Variants in RAB28 observed in about 807,000 individuals in gnomAD.
RAB28 encodes RAB28, member RAS oncogene family.
Under a neutral mutation model 31.7 loss-of-function variants are expected in RAB28, and 24 were observed. The observed-to-expected ratio is 0.76, with a 90% CI of 0.55 to 1.06. RAB28 has a LOEUF of 1.06. RAB28 is among the 50% of genes least tolerant of loss of function. The pLI is 0.00. For synonymous variants in RAB28, 100 were observed against 90.4 expected (o/e 1.11, Z -0.60); for missense variants, 254 against 258.5 (o/e 0.98, Z 0.12).
intron 3 of RAB28, among the ~76,000 whole-genome samples, chr4:13,463,979 T>A (rs1018146805): frequency 6.6e-6 from 1 of 152,092 alleles, no homozygotes; most frequent in African/African-American, 2.4e-5. Context: ...CTTGGACTGA[T>A]CAGAAAACTG....
intron 4 of RAB28, among the ~76,000 whole-genome samples, chr4:13,414,928 C>A (rs866398831): frequency 1.3e-5 from 2 of 152,022 alleles, no homozygotes; most frequent in Non-Finnish European, 2.9e-5. Context: ...ATAAAGAATA[C>A]CAATTAGAAG....
intron 4 of RAB28, among the ~76,000 whole-genome samples, chr4:13,407,830 G>A (rs565880103): frequency 3.7e-4 from 56 of 152,238 alleles, no homozygotes; most frequent in African/African-American, 1.1e-3. Context: ...TATTATTGGC[G>A]TACAGGAATG....
chr4:13,399,320 T>A (rs1239920308), intron 4 of RAB28, among the ~76,000 whole-genome samples: 1 of 152,246 alleles, frequency 6.6e-6, no homozygotes, highest in East Asian at 1.9e-4. Flanking sequence ...TTTTTATAAG[T>A]CTACCACAAT....
chr4:13,379,862 T>C (rs906515465), intron 5 of RAB28, among the ~76,000 whole-genome samples: 3 of 152,154 alleles, frequency 2.0e-5, no homozygotes, highest in Non-Finnish European at 4.4e-5. Context: ...TACCTGGAGC[T>C]AGAAATGATT....
At chr4:13,402,986 G>A (rs754222189) in intron 4 of RAB28, among the ~76,000 whole-genome samples, 1 of 152,136 alleles carries the variant, frequency 6.6e-6, no homozygotes, top group South Asian at 2.1e-4. Context: ...GTAGGAAAGG[G>A]GTTTTGTCAT....
chr4:13,474,543 CAT>C (rs1716264195), intron 2 of RAB28, 137 bp from the exon 3 acceptor site: 2 of 473,804 alleles, frequency 4.2e-6, no homozygotes, highest in Non-Finnish European at 3.7e-6. Context: ...TGCAGGCTCA[CAT>C]GATATTTGGA....
chr4:13,391,606 G>T (rs890065648), intron 4 of RAB28, among the ~76,000 whole-genome samples: 1 of 152,064 alleles, frequency 6.6e-6, no homozygotes, highest in Non-Finnish European at 1.5e-5. Flanking sequence ...ATATGCACAC[G>T]TATGTTTATT....
intron 4 of RAB28, among the ~76,000 whole-genome samples, chr4:13,405,949 T>C (rs1712053719): frequency 6.6e-6 from 1 of 152,180 alleles, no homozygotes; most frequent in East Asian, 1.9e-4. Context: ...ATGAGAAAAC[T>C]ATGGGAAATC....
intron 2 of RAB28, among the ~76,000 whole-genome samples, chr4:13,477,762 A>C (rs1716428956): frequency 6.6e-6 from 1 of 151,458 alleles, no homozygotes; most frequent in South Asian, 2.1e-4. Flanking sequence ...TTTTAACCTA[A>C]TTACTAAGTC....
intron 4 of RAB28, among the ~76,000 whole-genome samples, chr4:13,386,931 A>G (rs868720365): frequency 6.6e-5 from 10 of 152,100 alleles, no homozygotes; most frequent in African/African-American, 2.2e-4. Context: ...AAAGGAGATC[A>G]TGTCCTTTGT....
intron 4 of RAB28, among the ~76,000 whole-genome samples, chr4:13,431,224 A>G (rs1013162048): frequency 1.6e-4 from 25 of 152,208 alleles, no homozygotes; most frequent in African/African-American, 6.0e-4. Flanking sequence ...TTTTAGTAGT[A>G]GTAGTCAGAA....
intron 2 of RAB28, among the ~76,000 whole-genome samples, chr4:13,477,234 C>G (rs1236456871): frequency 1.3e-5 from 2 of 151,334 alleles, no homozygotes; most frequent in Admixed American, 1.3e-4. Context: ...TACAGCATAC[C>G]GGATCATGAA....
Position 13,479,544 on chromosome 4 carries a change from A to G in RAB28, c.76-18T>C, listed in dbSNP as rs984070035. On this transcript the variant is annotated intron_variant, in intron 1 of 6. Coordinates refer to ENST00000330852, the MANE Select transcript of RAB28 (RefSeq NM_001017979.3). ...AAGGAGGTCTAAAAAATTGATGCAC[A>G]GAATGTCAAAATTAATTCATTAAAG... 4 of 1,461,532 alleles carry G rather than the reference A, an allele frequency of 2.7e-6. No homozygotes were observed. Among genetic ancestry groups the G allele is most frequent in the Admixed American group, 1.7e-5 (1 of 57,322 alleles). The allele number at this position is 1,461,532 out of a possible 1,614,324, so 90.5% of individuals were successfully genotyped here. A position where few individuals can be genotyped will look rare whatever the true frequency, so the allele number is the denominator to read the frequency against.
rs528247185 is a variant in RAB28 at position 13,452,234 on chromosome 4, T to C, written c.391+8465A>G. ...ATCTTTAAAAAACAACTTTTTGTTT[T>C]GTTGAAATTTTTGTTTGTTTTTTTA... On this transcript the variant is annotated intron_variant, in intron 4 of 6. Coordinates refer to ENST00000330852, the MANE Select transcript of RAB28 (RefSeq NM_001017979.3). Among the ~76,000 whole-genome samples the C allele has an allele frequency of 2.6e-5, 4 of 152,094 alleles. No individual in the cohort carries two copies. The South Asian group carries it at 8.3e-4, about 31-fold the overall frequency.
chr4:13,370,642 A>G, intron 6 of RAB28: 4 of 984,758 alleles, frequency 4.1e-6, no homozygotes, highest in Non-Finnish European at 4.8e-6. Context: ...TACAATTTTT[A>G]TATTTAATAC....
chr4:13,409,989 G>C (rs1216661532), intron 4 of RAB28, among the ~76,000 whole-genome samples: 2 of 151,968 alleles, frequency 1.3e-5, no homozygotes, highest in Non-Finnish European at 2.9e-5. Context: ...CATCCCCCTA[G>C]TGCTATCTCG....
At chr4:13,369,774 T>G (rs1467949485) in intron 6 of RAB28, 1 of 1,156,380 alleles carries the variant, frequency 8.6e-7, no homozygotes, top group African/African-American at 1.6e-5. Context: ...ACAATAATCA[T>G]CTGAACTTCC....
chr4:13,478,595 A>T (rs1453830542), intron 2 of RAB28, among the ~76,000 whole-genome samples: 3 of 151,700 alleles, frequency 2.0e-5, no homozygotes, highest in African/African-American at 7.2e-5. Flanking sequence ...TGAATCTGAC[A>T]TTACACTTGC....
chr4:13,371,721 T>C, intron 6 of RAB28: 1 of 1,535,382 alleles, frequency 6.5e-7, no homozygotes, highest in South Asian at 1.2e-5. Context: ...TGGTAGGTGG[T>C]TTCACTGTAG....
Sources: allele counts gnomAD v4.1 joint callset (sites outside exome capture counted in the v4.1 genomes callset), GRCh38; gene constraint gnomAD v4.1.1; transcripts MANE v1.5; gene names NCBI Gene and HGNC (gene_info 2026-07-23, HGNC 2026-07-21).